The following ZFPM2 variants were observed in gnomAD, a reference collection of about 807,000 sequenced individuals.
The protein encoded by ZFPM2 is zinc finger protein ZFPM2.
In ZFPM2, 20 loss-of-function variants were observed where a neutral mutation model predicts 98.6. The observed-to-expected ratio is 0.20, with a 90% CI of 0.14 to 0.29. The LOEUF (loss-of-function observed/expected upper bound fraction) is 0.29. Among genes scored for constraint, ZFPM2 ranks in the 10% least tolerant of loss-of-function variants. The pLI, the probability that ZFPM2 is intolerant of heterozygous loss-of-function variation, is 1.00. For missense variants in ZFPM2, 1,310 were observed against 1,388.6 expected, an observed-to-expected ratio of 0.94 and a Z score of 0.90; for synonymous variants, 518 against 502.7, an observed-to-expected ratio of 1.03 and a Z score of -0.41.
In ZFPM2 at chr8:105,379,783, C is replaced by G. The variant is rs1349652338; in HGVS notation, c.41-39361C>G. Among the ~76,000 whole-genome samples, 4 of 150,424 alleles carry G rather than the reference C, an allele frequency of 2.7e-5. No homozygotes were observed. The South Asian group carries it at 6.3e-4, about 24-fold the overall frequency. ...AAAAAAAAAAAAAAGTTTACATTGACTGTAAGAACCAAAACTGGCCATGAA... is the reference window on the plus strand; with the variant it reads ...AAAAAAAAAAAAAAGTTTACATTGAGTGTAAGAACCAAAACTGGCCATGAA... On this transcript the variant is annotated intron_variant, in intron 1 of 7. Transcript: ENST00000407775.
chr8:105,374,646 A>C (rs2129833026), intron 1 of ZFPM2, among the ~76,000 whole-genome samples: 1 of 152,252 alleles, frequency 6.6e-6, no homozygotes, highest in Admixed American at 6.5e-5. Context: ...TCAGCCTCCC[A>C]AATTTTTATT....
chr8:105,596,513 C>G (rs1022483140), intron 4 of ZFPM2, among the ~76,000 whole-genome samples: 1 of 151,990 alleles, frequency 6.6e-6, no homozygotes, highest in African/African-American at 2.4e-5. Flanking sequence ...AGAAGGTATT[C>G]TACTTTTCCT....
At chr8:105,445,341 A>G (rs1586378109) in intron 3 of ZFPM2, among the ~76,000 whole-genome samples, 2 of 152,194 alleles carry the variant, frequency 1.3e-5, no homozygotes, top group African/African-American at 2.4e-5. Context: ...AAATGTTTGT[A>G]TTCTGTATAC....
intron 5 of ZFPM2, among the ~76,000 whole-genome samples, chr8:105,682,318 CAGTG>C (rs1347592461): frequency 6.6e-6 from 1 of 152,098 alleles, no homozygotes; most frequent in Non-Finnish European, 1.5e-5. Context: ...AATCTGAAGA[CAGTG>C]AGTAAGTGAC....
At chr8:105,481,366 G>T (rs987507603) in intron 3 of ZFPM2, among the ~76,000 whole-genome samples, 3 of 152,128 alleles carry the variant, frequency 2.0e-5, no homozygotes, top group Admixed American at 6.5e-5. Context: ...TGCCAGCATG[G>T]TCTGGTTGGT....
chr8:105,342,028 C>G (rs1812439309), intron 1 of ZFPM2, among the ~76,000 whole-genome samples: 1 of 151,954 alleles, frequency 6.6e-6, no homozygotes, highest in Admixed American at 6.6e-5. Context: ...AAGCAAAACT[C>G]CAGTTGCATA....
intron 6 of ZFPM2, among the ~76,000 whole-genome samples, chr8:105,792,545 A>G (rs1813649357): frequency 6.6e-6 from 1 of 152,038 alleles, no homozygotes; most frequent in African/African-American, 2.4e-5. Context: ...GTGGTGCTGA[A>G]AAAAATGTAT....
intron 5 of ZFPM2, among the ~76,000 whole-genome samples, chr8:105,636,622 A>G (rs1261593764): frequency 6.6e-6 from 1 of 152,156 alleles, no homozygotes; most frequent in Admixed American, 6.6e-5. Context: ...TGTCTTAGTC[A>G]CCTTTCTATT....
chr8:105,400,491 C>T (rs182938314), intron 1 of ZFPM2, among the ~76,000 whole-genome samples: 4 of 151,920 alleles, frequency 2.6e-5, no homozygotes, highest in East Asian at 3.9e-4. Context: ...TCAATTCCCA[C>T]GAAATTTATT....
Position 105,675,897 on chromosome 8 carries a change from T to C in ZFPM2, c.532+41540T>C, listed in dbSNP as rs572221345. Reference sequence around the variant, plus strand: ...GAACTGCATTATTCCTAATTGTATTTTATAGATGTGAAAACTGAGGCTTTT... The same window carrying C: ...GAACTGCATTATTCCTAATTGTATTCTATAGATGTGAAAACTGAGGCTTTT... On this transcript the variant is annotated intron_variant, in intron 5 of 7. Coordinates refer to ENST00000407775, the MANE Select transcript of ZFPM2 (RefSeq NM_012082.4). 3 of 152,316 alleles carry C rather than the reference T, an allele frequency of 2.0e-5. No homozygotes were observed. In the South Asian group the frequency reaches 6.2e-4, roughly 32 times the overall value. 9.4% of individuals were successfully genotyped at this position (152,316 alleles called of 1,614,324 possible).
At chr8:105,785,944 A>G (rs980995887) in intron 5 of ZFPM2, among the ~76,000 whole-genome samples, 12 of 147,274 alleles carry the variant, frequency 8.1e-5, no homozygotes, top group African/African-American at 2.7e-4. Flanking sequence ...CGGGAGGCTG[A>G]GTCAGGAGAA....
intron 5 of ZFPM2, among the ~76,000 whole-genome samples, chr8:105,688,727 A>G (rs1228708265): frequency 1.3e-5 from 2 of 152,128 alleles, no homozygotes; most frequent in Non-Finnish European, 2.9e-5. Context: ...TTCAAGGCAT[A>G]TGTTTTTGAA....
chr8:105,533,192 A>G (rs988446033), intron 3 of ZFPM2, among the ~76,000 whole-genome samples: 1 of 152,172 alleles, frequency 6.6e-6, no homozygotes, highest in Non-Finnish European at 1.5e-5. Context: ...AGCAAAGTAG[A>G]CTGCAAACAT....
intron 5 of ZFPM2, among the ~76,000 whole-genome samples, chr8:105,677,620 T>C (rs1053666254): frequency 3.3e-5 from 5 of 151,806 alleles, no homozygotes; most frequent in Admixed American, 3.3e-4. Flanking sequence ...ACCTTGAATG[T>C]GAACAGAGCC....
chr8:105,748,757 C>T (rs544952413), intron 5 of ZFPM2, among the ~76,000 whole-genome samples: 31 of 152,112 alleles, frequency 2.0e-4, no homozygotes, highest in African/African-American at 6.7e-4. Context: ...ACTTTCTCTG[C>T]ATTTGTTGTC....
chr8:105,660,601 ATATC>A (rs1817369866), intron 5 of ZFPM2, among the ~76,000 whole-genome samples: 1 of 152,184 alleles, frequency 6.6e-6, no homozygotes, highest in Non-Finnish European at 1.5e-5. Flanking sequence ...ATGAATATCT[ATATC>A]TATCTCTATA....
intron 4 of ZFPM2, among the ~76,000 whole-genome samples, chr8:105,591,185 G>C (rs1162401885): frequency 6.6e-6 from 1 of 151,614 alleles, no homozygotes; most frequent in Admixed American, 6.6e-5. Context: ...CCACAAACTG[G>C]GTTATGAACA....
chr8:105,458,595 A>G (rs973482573), intron 3 of ZFPM2, among the ~76,000 whole-genome samples: 1 of 152,216 alleles, frequency 6.6e-6, no homozygotes, highest in African/African-American at 2.4e-5. Context: ...AGTAGGCTAT[A>G]TGCCAAATAA....
At chr8:105,331,965 C>T (rs1455009449) in intron 1 of ZFPM2, among the ~76,000 whole-genome samples, 2 of 151,674 alleles carry the variant, frequency 1.3e-5, no homozygotes, top group East Asian at 3.9e-4. Context: ...TCATGGACTA[C>T]CAGATCTGTT....
Sources: allele counts gnomAD v4.1 joint callset (sites outside exome capture counted in the v4.1 genomes callset), GRCh38; gene constraint gnomAD v4.1.1; transcripts MANE v1.5; gene names NCBI Gene and HGNC (gene_info 2026-07-23, HGNC 2026-07-21).